DGKB: variants seen among roughly 807,000 people sequenced by gnomAD.
DGKB encodes the protein 90 kDa diacylglycerol kinase.
Under a neutral mutation model 114.3 loss-of-function variants are expected in DGKB, and 67 were observed. That is an observed-to-expected ratio of 0.59 (90% CI 0.48 to 0.72). The LOEUF (loss-of-function observed/expected upper bound fraction) is 0.72, where lower values mean the gene tolerates loss of function less well. Ranked by LOEUF, DGKB falls within the 30% of genes least tolerant of loss-of-function variation. The pLI is 0.00. For synonymous variants in DGKB, 398 were observed against 323.1 expected, an observed-to-expected ratio of 1.23 and a Z score of -2.49; for missense variants, 907 against 975.2, an observed-to-expected ratio of 0.93 and a Z score of 0.93.
chr7:14,921,510 T>C (rs1784507731), intron 1 of DGKB, among the ~76,000 whole-genome samples: 1 of 152,156 alleles, frequency 6.6e-6, no homozygotes, highest in African/African-American at 2.4e-5. Context: ...ATCACAGTGG[T>C]TCTCCACCAA....
At chr7:14,962,069 T>C (rs1270306186) in intron 1 of DGKB, among the ~76,000 whole-genome samples, 1 of 152,164 alleles carries the variant, frequency 6.6e-6, no homozygotes, top group Non-Finnish European at 1.5e-5. Context: ...TAAAACCGTT[T>C]GTCTAAAACT....
chr7:14,610,210 T>C (rs573366404), intron 16 of DGKB, among the ~76,000 whole-genome samples: 1 of 152,236 alleles, frequency 6.6e-6, no homozygotes, highest in African/African-American at 2.4e-5. Flanking sequence ...AATGAAATCA[T>C]GTCCTTTGCA....
chr7:14,217,034 T>C (rs933759889), intron 23 of DGKB, among the ~76,000 whole-genome samples: 1 of 152,124 alleles, frequency 6.6e-6, no homozygotes, highest in Non-Finnish European at 1.5e-5. Context: ...GGATCTTGTT[T>C]CATCTCACAC....
intron 17 of DGKB, among the ~76,000 whole-genome samples, chr7:14,586,985 C>T (rs1800883623): frequency 6.6e-6 from 1 of 152,096 alleles, no homozygotes; most frequent in Non-Finnish European, 1.5e-5. Context: ...ATACATTCTG[C>T]AGCTCGTCGA....
chr7:14,870,589 C>A (rs186262296), intron 1 of DGKB, among the ~76,000 whole-genome samples: 2 of 151,940 alleles, frequency 1.3e-5, no homozygotes, highest in East Asian at 3.9e-4. Flanking sequence ...CGACATCAGG[C>A]GTTTGAGATC....
chr7:14,392,989 G>GTTTTTTTTTTTTTTTTTTTTT (rs776845811), intron 21 of DGKB, among the ~76,000 whole-genome samples: 5 of 10,180 alleles, frequency 4.9e-4, no homozygotes, highest in East Asian at 1.3e-3. Context: ...CCTGTTTTTT[G>GTTTTTTTTTTTTTTTTTTTTT]TTTTTGTTTT....
intron 2 of DGKB, among the ~76,000 whole-genome samples, chr7:14,768,516 T>C (rs1006279795): frequency 1.3e-5 from 2 of 151,954 alleles, no homozygotes; most frequent in African/African-American, 4.8e-5. Context: ...CCCTTCCCAA[T>C]TCAGAAAGAG....
intron 13 of DGKB, among the ~76,000 whole-genome samples, chr7:14,635,893 T>C (rs952510045): frequency 1.3e-5 from 2 of 151,780 alleles, no homozygotes; most frequent in South Asian, 4.1e-4. Flanking sequence ...AATATATCAT[T>C]GTATAGTTAG....
At chr7:14,897,492 T>G (rs191233473) in intron 1 of DGKB, among the ~76,000 whole-genome samples, 68 of 151,980 alleles carry the variant, frequency 4.5e-4, no homozygotes, top group Admixed American at 1.9e-3. Context: ...AAAATCACCT[T>G]TTCACAACTT....
intron 23 of DGKB, among the ~76,000 whole-genome samples, chr7:14,246,505 GT>G (rs1167865093): frequency 6.6e-6 from 1 of 152,010 alleles, no homozygotes; most frequent in African/African-American, 2.4e-5. Context: ...TCCATCTTCC[GT>G]GCTGAGAATA....
chr7:14,280,485 A>C (rs6975487), intron 23 of DGKB, among the ~76,000 whole-genome samples: 8 of 147,400 alleles, frequency 5.4e-5, no homozygotes, highest in Non-Finnish European at 1.2e-4. Context: ...GCAGGCCAAC[A>C]TTCAGATTCA....
At chr7:14,671,767 A>G (rs1006984903) in intron 13 of DGKB, among the ~76,000 whole-genome samples, 9 of 152,134 alleles carry the variant, frequency 5.9e-5, no homozygotes. Flanking sequence ...TAAAATTGCC[A>G]TATTTCAAAA....
At chr7:14,599,674 A>G (rs1803203276) in intron 17 of DGKB, among the ~76,000 whole-genome samples, 1 of 152,192 alleles carries the variant, frequency 6.6e-6, no homozygotes, top group Non-Finnish European at 1.5e-5. Context: ...CTAAAATATA[A>G]GGCTGTGAGG....
At chr7:14,246,422 A>T (rs544372662) in intron 23 of DGKB, among the ~76,000 whole-genome samples, 18 of 152,302 alleles carry the variant, frequency 1.2e-4, no homozygotes, top group African/African-American at 4.1e-4. Context: ...AAAAGAAGAT[A>T]ATCTAGCTTC....
intron 25 of DGKB, among the ~76,000 whole-genome samples, chr7:14,155,144 C>A (rs189327926): frequency 1.3e-5 from 2 of 152,088 alleles, no homozygotes; most frequent in Admixed American, 1.3e-4. Context: ...GTGGCAAGAC[C>A]AATAAGAATC....
chr7:14,148,995 T>A lies in DGKB; in HGVS notation c.*136A>T. On this transcript the variant is annotated 3_prime_UTR_variant, in exon 26 of 26. Transcript: ENST00000402815. ...TCTAATAGCTGAATTTTACATTAGCTTAGTAACAAAAACTGTTAAACCACT... is the reference window on the plus strand; with the variant it reads ...TCTAATAGCTGAATTTTACATTAGCATAGTAACAAAAACTGTTAAACCACT... 1.4e-6 allele frequency: 1 copy of A among 730,186 alleles called. No homozygotes were observed. The allele number at this position is 730,186 out of a possible 1,614,324, so 45.2% of individuals were successfully genotyped here.
intron 13 of DGKB, among the ~76,000 whole-genome samples, chr7:14,648,543 G>GA (rs1297694742): frequency 1.3e-5 from 2 of 152,034 alleles, no homozygotes; most frequent in African/African-American, 4.8e-5. Context: ...CAAAGATGGG[G>GA]AAAAAACAGA....
At chr7:14,342,647 T>C (rs1240868240) in intron 22 of DGKB, among the ~76,000 whole-genome samples, 1 of 151,886 alleles carries the variant, frequency 6.6e-6, no homozygotes, top group African/African-American at 2.4e-5. Context: ...TTCTCTTAAA[T>C]TACTGAAGAA....
intron 2 of DGKB, among the ~76,000 whole-genome samples, chr7:14,823,257 TATTA>T (rs745675065): frequency 7.9e-5 from 12 of 151,938 alleles, no homozygotes; most frequent in Non-Finnish European, 1.3e-4. Context: ...AATATATAAT[TATTA>T]ATTGATTTTT....
Sources: gnomAD v4.1 joint callset for allele counts (sites outside exome capture counted in the v4.1 genomes callset) on GRCh38, gnomAD v4.1.1 for gene constraint, MANE v1.5 for transcripts, NCBI Gene and HGNC (gene_info 2026-07-23, HGNC 2026-07-21) for gene names.